SNX8: variants seen among roughly 807,000 people sequenced by gnomAD.
SNX8 encodes sorting nexin 8, also known as sorting nexin-8.
In SNX8, 25 loss-of-function variants were observed where a neutral mutation model predicts 51.6. The ratio of observed to expected loss-of-function variants is 0.48; its 90% CI spans 0.35 to 0.68. The LOEUF is 0.68. Among genes scored for constraint, SNX8 ranks in the 30% least tolerant of loss-of-function variants. The probability of loss-of-function intolerance (pLI) is 0.00; values close to 1 mark genes in which losing one functional copy is unlikely to be tolerated. For missense variants in SNX8, 695 were observed against 624.0 expected (o/e 1.11, Z -1.21); for synonymous variants, 324 against 277.0 (o/e 1.17, Z -1.68).
At chr7:2,324,213 G>C (rs1778588136) in intron 1 of SNX8, among the ~76,000 whole-genome samples, 1 of 152,060 alleles carries the variant, frequency 6.6e-6, no homozygotes, top group African/African-American at 2.4e-5. Flanking sequence ...GAGAGGCCAA[G>C]GCAGGAGGGT....
Position 2,314,332 on chromosome 7 carries a change from C to A in SNX8, c.90G>T (p.Ala30=), listed in dbSNP as rs1211601280. The part of the protein sequence containing the change: ...AEADEEADPP[A]SDLPTPQAIE... ...TACCGCCGCCCCACGCCCTACCTGA[C>A]GCCGGGGGATCCGCCTCCTCGTCAG... The change falls in exon 1 of 11, where the codon GCG becomes GCT. Residue 30 remains alanine, a synonymous_variant. Coordinates refer to ENST00000222990, the MANE Select transcript of SNX8 (RefSeq NM_013321.4). 5 of 1,223,068 alleles carry A rather than the reference C, an allele frequency of 4.1e-6. No homozygotes were observed. The highest frequency in any genetic ancestry group is 5.1e-6 in the Non-Finnish European group (5 of 982,190). The allele number at this position is 1,223,068 out of a possible 1,614,324, so 75.8% of individuals were successfully genotyped here.
chr7:2,302,088 T>A (rs781571771), intron 1 of SNX8, among the ~76,000 whole-genome samples: 5 of 151,714 alleles, frequency 3.3e-5, no homozygotes, highest in Non-Finnish European at 5.9e-5. Context: ...TAAAAAAAAA[T>A]ACCCTCTCCC....
chr7:2,260,008 AAGAG>A (rs1189296773), intron 7 of SNX8, among the ~76,000 whole-genome samples: 19 of 152,130 alleles, frequency 1.2e-4, no homozygotes, highest in African/African-American at 2.2e-4. Context: ...GGAAAAAAGA[AAGAG>A]AGAGAGAAAG....
chr7:2,291,375 A>G (rs1796147992), intron 1 of SNX8, among the ~76,000 whole-genome samples: 1 of 152,154 alleles, frequency 6.6e-6, no homozygotes. Context: ...AGGCGGGCAG[A>G]TCACCTGAGC....
At chr7:2,255,359 C>CG (rs1795151830) in intron 10 of SNX8, among the ~76,000 whole-genome samples, 190 bp from the exon 11 acceptor site, 1 of 152,196 alleles carries the variant, frequency 6.6e-6, no homozygotes, top group Non-Finnish European at 1.5e-5. Flanking sequence ...AGTGGACCAG[C>CG]GACATGTGAC....
intron 1 of SNX8, among the ~76,000 whole-genome samples, chr7:2,283,014 G>T (rs188044880): frequency 4.0e-5 from 6 of 151,812 alleles, no homozygotes; most frequent in African/African-American, 1.4e-4. Flanking sequence ...CCAGCTACTC[G>T]GGAGGCTGAG....
chr7:2,304,332 C>A (rs1374145826), intron 1 of SNX8, among the ~76,000 whole-genome samples: 3 of 151,388 alleles, frequency 2.0e-5, no homozygotes, highest in Non-Finnish European at 4.4e-5. Flanking sequence ...ATCACGAGGT[C>A]AGGAGATAGA....
chr7:2,333,027 G>C (rs755721984), intron 1 of SNX8, among the ~76,000 whole-genome samples: 6 of 152,026 alleles, frequency 3.9e-5, no homozygotes, highest in Non-Finnish European at 5.9e-5. Flanking sequence ...CCAACACTTT[G>C]GGAGGCTAAG....
At chr7:2,333,085 T>C (rs112751783) in intron 1 of SNX8, among the ~76,000 whole-genome samples, 1 of 149,334 alleles carries the variant, frequency 6.7e-6, no homozygotes, top group African/African-American at 2.5e-5. Context: ...TTCTTTTAAA[T>C]TTAAAAAAAT....
chr7:2,259,277 G>A (rs973818634), intron 7 of SNX8, among the ~76,000 whole-genome samples: 5 of 152,156 alleles, frequency 3.3e-5, no homozygotes, highest in Non-Finnish European at 5.9e-5. Context: ...GGAAACCCCC[G>A]ACACTGACGC....
rs1796720608 is a variant in SNX8, at chr7:2,314,411, C to T, written c.11G>A (p.Arg4His). The change falls in exon 1 of 11, where the codon CGC (arginine) becomes CAC (histidine). Residue 4 changes from arginine to histidine, a missense_variant. Arg to His is a conservative substitution (Grantham distance 29). Coordinates refer to ENST00000222990, the MANE Select transcript of SNX8 (RefSeq NM_013321.4). ...AGCCGCGGGCAGCGGGTCCATCGCG[C>T]GGCCAGTCATGTGAGCCCGCGCTCC... Reference protein sequence around the residue: MTGRAMDPLPAAAV... With the variant: MTGHAMDPLPAAAV... 2 of 1,217,588 alleles carry T rather than the reference C, an allele frequency of 1.6e-6. No individual in the cohort carries two copies. Among genetic ancestry groups the T allele is most frequent in the South Asian group, 8.2e-5 (2 of 24,300 alleles). The allele number at this position is 1,217,588 out of a possible 1,614,324, so 75.4% of individuals were successfully genotyped here.
At chr7:2,309,909 G>A (rs183131146) in intron 1 of SNX8, 7 of 469,924 alleles carry the variant, frequency 1.5e-5, no homozygotes, top group Non-Finnish European at 2.2e-5. Flanking sequence ...AAGGAGCCCC[G>A]AGGGTCAGCA....
Position 2,254,883 on chromosome 7 carries a change from C to G in SNX8, c.*173G>C. On this transcript the variant is annotated 3_prime_UTR_variant, in exon 11 of 11. Coordinates refer to ENST00000222990, the MANE Select transcript of SNX8 (RefSeq NM_013321.4). ...CGAAGGACAGTGTGGCCCAGCTGCC[C>G]CCATGGTCCACGGATGCGCCTCCCG... is the stretch of plus-strand genomic sequence containing the variant. 1.6e-6 allele frequency: 1 copy of G among 629,872 alleles called. No homozygotes were observed. The highest frequency in any genetic ancestry group is 1.8e-5 in the South Asian group (1 of 55,774). 39.0% of individuals were successfully genotyped at this position (629,872 alleles called of 1,614,324 possible). A position where few individuals can be genotyped will look rare whatever the true frequency, so the allele number is the denominator to read the frequency against.
At position 2,346,662 on chromosome 7, in the gene SNX8, C is replaced by T. The variant is rs1348726556; in HGVS notation, c.-66+7560G>A. Among the ~76,000 whole-genome samples, 78 of 136,874 alleles carry T rather than the reference C, an allele frequency of 5.7e-4. 1 individual carries two copies. Among genetic ancestry groups the T allele is most frequent in the Non-Finnish European group, 1.1e-4 (7 of 65,590 alleles). The allele number at this position is 136,874 out of a possible 152,430, so 89.8% of individuals were successfully genotyped here. On this transcript the variant is annotated intron_variant, in intron 1 of 5. Transcript: ENST00000435336. ...TTGGGAGGCTGAGGCAGGAGAATGG[C>T]GTGAACCTGGGAGGCGGAGCTTGCA...
At chr7:2,341,477 C>T (rs915741678) in intron 1 of SNX8, among the ~76,000 whole-genome samples, 1 of 150,676 alleles carries the variant, frequency 6.6e-6, no homozygotes, top group African/African-American at 2.4e-5. Context: ...CCAGCCTGGG[C>T]AACAAGAGCG....
At chr7:2,346,558 T>C (rs1779030865) in intron 1 of SNX8, among the ~76,000 whole-genome samples, 1 of 151,252 alleles carries the variant, frequency 6.6e-6, no homozygotes, top group Non-Finnish European at 1.5e-5. Context: ...CCATCCTGGC[T>C]AACACAGTGA....
At chr7:2,326,640 T>C (rs1778627215) in intron 1 of SNX8, among the ~76,000 whole-genome samples, 1 of 152,068 alleles carries the variant, frequency 6.6e-6, no homozygotes, top group African/African-American at 2.4e-5. Flanking sequence ...CACTCCAGCC[T>C]GGGCGACAGA....
At chr7:2,300,325 T>G (rs1394299259) in intron 1 of SNX8, among the ~76,000 whole-genome samples, 1 of 152,214 alleles carries the variant, frequency 6.6e-6, no homozygotes, top group Non-Finnish European at 1.5e-5. Context: ...TCAAGGAGAT[T>G]TTATGTTGAA....
rs1341635661 is a variant in SNX8, at chr7:2,252,712, C to G, written c.*2344G>C. The G allele has an allele frequency of 8.4e-6, 1 of 118,862 alleles. No homozygotes were observed. The highest frequency in any genetic ancestry group is 1.8e-5 in the Non-Finnish European group (1 of 54,678). 7.4% of individuals were successfully genotyped at this position (118,862 alleles called of 1,614,324 possible). The stretch of plus-strand genomic sequence containing the variant: ...CTGCCTTCCCACCCCTGCCCTCTTG[C>G]TCTCCTCACCCCTGCCCTCTTGCTC... On this transcript the variant is annotated 3_prime_UTR_variant, in exon 11 of 11. Transcript: ENST00000222990.
Sources: allele counts gnomAD v4.1 joint callset (sites outside exome capture counted in the v4.1 genomes callset), GRCh38; gene constraint gnomAD v4.1.1; transcripts MANE v1.5; gene names NCBI Gene and HGNC (gene_info 2026-07-23, HGNC 2026-07-21).